CEP85L: variants seen among roughly 807,000 people sequenced by gnomAD.
CEP85L encodes centrosomal protein of 85 kDa-like.
A neutral mutation model predicts 100.3 loss-of-function variants in CEP85L; 60 were observed. That is an observed-to-expected ratio of 0.60 (90% CI 0.49 to 0.74). The LOEUF (loss-of-function observed/expected upper bound fraction) is 0.74, where lower values mean the gene tolerates loss of function less well. Ranked by LOEUF, CEP85L falls within the 30% of genes least tolerant of loss-of-function variation. CEP85L has a pLI of 0.00. For missense variants in CEP85L, 973 were observed against 936.2 expected (o/e 1.04, Z -0.51); for synonymous variants, 319 against 322.7 (o/e 0.99, Z 0.12).
intron 2 of CEP85L, among the ~76,000 whole-genome samples, chr6:118,567,235 GTGTGTGTGTGTGTGTATATATATATA>G (rs1459776434): frequency 0.013 from 1,057 of 83,514 alleles, 5 homozygotes; most frequent in African/African-American, 0.033. Flanking sequence ...GTGTGTGTGT[GTGTGTGTGTGTGTGTATATATATATA>G]TATATATATA....
intron 1 of CEP85L, among the ~76,000 whole-genome samples, chr6:118,702,614 T>A (rs2114366461): frequency 6.6e-6 from 1 of 152,346 alleles, no homozygotes; most frequent in South Asian, 2.1e-4. Context: ...GACCTTTTGA[T>A]AAAACCTACA....
In CEP85L at chr6:118,674,760, A is replaced by G. The variant is rs1776428068; in HGVS notation, c.-27-21952T>C. On this transcript the variant is annotated intron_variant, in intron 1 of 13. Coordinates refer to the CEP85L transcript ENST00000368488. ...AAATGCAAATCATAACCATAATGAG[A>G]CACCATGTCACATCCTGTAGAAAGG... Among the ~76,000 whole-genome samples, 3 of 152,240 alleles carry G rather than the reference A, an allele frequency of 2.0e-5. 1 individual carries two copies. In the South Asian group the frequency reaches 6.2e-4, roughly 31 times the overall value.
At chr6:118,478,339 T>C (rs1773539904) in intron 10 of CEP85L, among the ~76,000 whole-genome samples, 1 of 152,124 alleles carries the variant, frequency 6.6e-6, no homozygotes, top group East Asian at 1.9e-4. Flanking sequence ...AGTTTAAAAC[T>C]AGTAAATAAT....
chr6:118,516,731 G>A (rs919461556), intron 4 of CEP85L, among the ~76,000 whole-genome samples: 14 of 152,252 alleles, frequency 9.2e-5, no homozygotes, highest in Non-Finnish European at 2.1e-4. Context: ...CTTTTGCTGT[G>A]CAGAAGCTCT....
intron 3 of CEP85L, among the ~76,000 whole-genome samples, chr6:118,561,202 T>G (rs539234509): frequency 6.6e-6 from 1 of 152,226 alleles, no homozygotes; most frequent in East Asian, 1.9e-4. Flanking sequence ...TAAAAACAAG[T>G]AGAAAGCTTA....
At chr6:118,700,427 A>T (rs1181531534) in intron 1 of CEP85L, among the ~76,000 whole-genome samples, 1 of 152,258 alleles carries the variant, frequency 6.6e-6, no homozygotes, top group East Asian at 1.9e-4. Context: ...TTAAGCCAGC[A>T]CCTTAAATCC....
intron 5 of CEP85L, among the ~76,000 whole-genome samples, chr6:118,498,639 G>T (rs1775080435): frequency 6.6e-6 from 1 of 150,534 alleles, no homozygotes; most frequent in East Asian, 1.9e-4. Flanking sequence ...AAAGGAAAAA[G>T]GGAGGAAAGG....
At chr6:118,596,228 G>A (rs933187280) in intron 2 of CEP85L, among the ~76,000 whole-genome samples, 3 of 151,968 alleles carry the variant, frequency 2.0e-5, no homozygotes, top group African/African-American at 7.3e-5. Flanking sequence ...TGCTTGACAC[G>A]GATATGACAT....
At chr6:118,597,117 T>G (rs1011216733) in intron 2 of CEP85L, among the ~76,000 whole-genome samples, 2 of 152,206 alleles carry the variant, frequency 1.3e-5, no homozygotes, top group African/African-American at 4.8e-5. Context: ...CTTTCCCCCA[T>G]GATTCTAAGT....
intron 2 of CEP85L, among the ~76,000 whole-genome samples, chr6:118,630,183 G>A (rs893238484): frequency 7.9e-5 from 12 of 152,104 alleles, no homozygotes; most frequent in Non-Finnish European, 1.8e-4. Context: ...AACCTAAAAC[G>A]CATGTGTGTG....
At chr6:118,561,181 C>T (rs891331311) in intron 3 of CEP85L, among the ~76,000 whole-genome samples, 2 of 152,092 alleles carry the variant, frequency 1.3e-5, no homozygotes, top group African/African-American at 4.8e-5. Context: ...CATCTACAAG[C>T]TGGAAATTCC....
At chr6:118,666,623 G>A (rs955993594) in intron 1 of CEP85L, among the ~76,000 whole-genome samples, 10 of 152,142 alleles carry the variant, frequency 6.6e-5, no homozygotes, top group African/African-American at 2.4e-4. Context: ...ACATGGAAAG[G>A]TCAGGATTAG....
At chr6:118,583,272 AAG>A (rs1197612288) in intron 2 of CEP85L, among the ~76,000 whole-genome samples, 1 of 152,138 alleles carries the variant, frequency 6.6e-6, no homozygotes, top group Non-Finnish European at 1.5e-5. Context: ...CTGGAAATTG[AAG>A]GAAGGAAGGT....
chr6:118,592,161 A>G (rs900491889), intron 2 of CEP85L, among the ~76,000 whole-genome samples: 1 of 152,114 alleles, frequency 6.6e-6, no homozygotes, highest in Non-Finnish European at 1.5e-5. Context: ...ATTATCCTAC[A>G]CTATATCTCT....
In CEP85L at chr6:118,660,966, A is replaced by T. The variant is rs577948480; in HGVS notation, c.-27-8158T>A. 1.4e-3 allele frequency among the ~76,000 whole-genome samples: 214 copies of T among 152,208 alleles called. 1 individual carries two copies. Among genetic ancestry groups the T allele is most frequent in the Non-Finnish European group, 1.6e-3 (112 of 67,998 alleles). On this transcript the variant is annotated intron_variant, in intron 1 of 13. Transcript: ENST00000368488. ...AATGGCATGATCTCGGCTCACTGCA[A>T]TCTCGGCCTCCTGGGTTCAGGCAAT...
intron 1 of CEP85L, among the ~76,000 whole-genome samples, chr6:118,639,671 C>T (rs1289576611): frequency 6.6e-6 from 1 of 152,206 alleles, no homozygotes; most frequent in Non-Finnish European, 1.5e-5. Flanking sequence ...TGACTTTCTT[C>T]TCCCTCACCA....
intron 1 of CEP85L, among the ~76,000 whole-genome samples, chr6:118,665,517 C>T (rs1776107307): frequency 6.6e-6 from 1 of 151,972 alleles, no homozygotes; most frequent in Non-Finnish European, 1.5e-5. Context: ...TGCCACCACG[C>T]CTGGCTACTT....
chr6:118,555,627 T>C (rs1778816147), intron 3 of CEP85L, among the ~76,000 whole-genome samples: 1 of 152,306 alleles, frequency 6.6e-6, no homozygotes, highest in African/African-American at 2.4e-5. Context: ...TAAATATATG[T>C]CAAGTTTAAG....
At chr6:118,695,365 T>C (rs1037270725) in intron 1 of CEP85L, among the ~76,000 whole-genome samples, 13 of 152,216 alleles carry the variant, frequency 8.5e-5, no homozygotes, top group African/African-American at 3.1e-4. Context: ...AGCTTGGTTT[T>C]TAGGGTGTAT....
Sources: gnomAD v4.1 joint callset for allele counts (sites outside exome capture counted in the v4.1 genomes callset) on GRCh38, gnomAD v4.1.1 for gene constraint, MANE v1.5 for transcripts, NCBI Gene and HGNC (gene_info 2026-07-23, HGNC 2026-07-21) for gene names.